LUZP4: variants seen among roughly 807,000 people sequenced by gnomAD.
LUZP4 encodes the protein leucine zipper protein 4.
In LUZP4, 11 loss-of-function variants were observed where a neutral mutation model predicts 8.5. That is an observed-to-expected ratio of 1.30 (90% CI 0.82 to 2.14). LUZP4 has a LOEUF of 2.14. Ranked by LOEUF, LUZP4 falls within the 30% of genes most tolerant of loss-of-function variation. LUZP4 has a pLI of 0.00. For synonymous variants in LUZP4, 104 were observed against 79.4 expected (o/e 1.31, Z -1.65); for missense variants, 276 against 229.7 (o/e 1.20, Z -1.30).
At chrX:115,298,435 T>A (rs192650854) in intron 1 of LUZP4, among the ~76,000 whole-genome samples, 51 of 112,886 alleles carry the variant, frequency 4.5e-4, no homozygotes, top group African/African-American at 1.6e-3. Flanking sequence ...CTCTTAGATT[T>A]GCCCTTTTGA....
At chrX:115,292,311 C>G (rs1437228982) in intron 1 of LUZP4, among the ~76,000 whole-genome samples, 1 of 110,999 alleles carries the variant, frequency 9.0e-6, no homozygotes, top group African/African-American at 3.3e-5. Context: ...GAGCCAACTT[C>G]ATTCTGTTGC....
At position 115,306,893 on chromosome X, in the gene LUZP4, T is replaced by G; in HGVS notation, c.*89T>G. ...AAATATGTATTTGTTGAAACATGTA[T>G]ATTGGGACAAAGACATAAATATTAG... On this transcript the variant is annotated 3_prime_UTR_variant, in exon 4 of 4. Transcript: ENST00000371920. 3.9e-5 allele frequency: 33 copies of G among 855,866 alleles called. No homozygotes were observed. The South Asian group carries it at 7.4e-4, about 19-fold the overall frequency. The allele number at this position is 855,866 out of a possible 1,213,427, so 70.5% of individuals were successfully genotyped here. A position where few individuals can be genotyped will look rare whatever the true frequency, so the allele number is the denominator to read the frequency against.
chrX:115,302,022 G>A lies in LUZP4; in HGVS notation c.122G>A (p.Gly41Glu). Residue 41 changes from glycine (G) to glutamate (E), a missense_variant, in exon 2 of 4, where the codon GGG becomes GAG. Gly to Glu is a moderately conservative substitution (Grantham distance 98, BLOSUM62 -2). Transcript: ENST00000371920. ...ATTATAATCTATAAAGAGTTAGAAG[G>A]GACAAATGCTGAAGAAGAAAAGAAT... is the stretch of plus-strand genomic sequence containing the variant. ...DDIIIYKELE[G>E]TNAEEEKNKR... is the part of the protein sequence containing the mutation. 1 of 1,166,266 alleles carries A rather than the reference G, an allele frequency of 8.6e-7. No individual in the cohort carries two copies. Among genetic ancestry groups the A allele is most frequent in the Non-Finnish European group, 1.2e-6 (1 of 861,534 alleles).
chrX:115,302,236 C>T (rs781948250), intron 2 of LUZP4, 113 bp downstream of exon 2: 2 of 726,686 alleles, frequency 2.8e-6, no homozygotes, highest in Non-Finnish European at 3.8e-6. Flanking sequence ...CATTATGTTG[C>T]TTGTTTTATT....
chrX:115,292,518 C>CGT lies in LUZP4; in HGVS notation c.91+2681_91+2682dup, dbSNP rs781795350. Among the ~76,000 whole-genome samples, 1,019 of 109,143 alleles carry CGT rather than the reference C, an allele frequency of 9.3e-3. 12 individuals carry two copies. The highest frequency in any genetic ancestry group is 0.032 in the African/African-American group (958 of 30,083). The allele number at this position is 109,143 out of a possible 115,157, so 94.8% of individuals were successfully genotyped here. A position where few individuals can be genotyped will look rare whatever the true frequency, so the allele number is the denominator to read the frequency against. On this transcript the variant is annotated intron_variant, in intron 1 of 3. Transcript: ENST00000371920. ...GAGTGTGTTCATTAGTGCTAATCTC[C>CGT]GTGTGTGTGTGTGTATCTTTAGGAA...
At chrX:115,300,488 G>A (rs1052896554) in intron 1 of LUZP4, among the ~76,000 whole-genome samples, 22 of 112,657 alleles carry the variant, frequency 2.0e-4, no homozygotes, top group African/African-American at 7.1e-4. Context: ...TGTATGGCCT[G>A]CAGGCCACAG....
At chrX:115,294,891 A>G (rs1008166610) in intron 1 of LUZP4, among the ~76,000 whole-genome samples, 4 of 111,401 alleles carry the variant, frequency 3.6e-5, no homozygotes, top group Non-Finnish European at 5.7e-5. Context: ...ACCGAGTTGT[A>G]AAAAATCTTG....
chrX:115,303,343 TA>T lies in LUZP4; in HGVS notation c.273del (p.Lys91AsnfsTer16). ...GCAACTCTGAGGAAGGAAATCATGA[TA>T]AAAAACCATCCCAAAAACCTTCTGG... is the stretch of plus-strand genomic sequence containing the variant. Reference protein sequence around the residue: ...RSNSEEGNHDKKPSQKPSGFK... With the variant: ...RSNSEEGNHDXKPSQKPSGFK... On this transcript the variant is annotated frameshift_variant, in exon 3 of 4. Transcript: ENST00000371920. LOFTEE classifies it high-confidence loss of function. 1 of 1,200,829 alleles carries T rather than the reference TA, an allele frequency of 8.3e-7. No homozygotes were observed.
At chrX:115,295,587 G>A (rs1180540206) in intron 1 of LUZP4, among the ~76,000 whole-genome samples, 1 of 111,460 alleles carries the variant, frequency 9.0e-6, no homozygotes, top group Non-Finnish European at 1.9e-5. Flanking sequence ...TGGATGCAAG[G>A]TTATTACTTC....
At chrX:115,293,065 C>T (rs1293741275) in intron 1 of LUZP4, among the ~76,000 whole-genome samples, 1 of 109,906 alleles carries the variant, frequency 9.1e-6, no homozygotes, top group Non-Finnish European at 1.9e-5. Flanking sequence ...GTAAATGAGG[C>T]ACTTGCTTCC....
chrX:115,305,909 C>CA (rs202104040), intron 3 of LUZP4, among the ~76,000 whole-genome samples: 1,412 of 111,582 alleles, frequency 0.013, 19 homozygotes, highest in African/African-American at 0.043. Context: ...AAACATAGAT[C>CA]AAGAAATTGG....
intron 1 of LUZP4, among the ~76,000 whole-genome samples, chrX:115,297,920 TCTC>T (rs782100216): frequency 1.8e-5 from 2 of 108,754 alleles, no homozygotes; most frequent in African/African-American, 6.7e-5. Context: ...GTTAAGCAAT[TCTC>T]CTGCCTCAGC....
Position 115,303,373 on chromosome X carries a change from C to T in LUZP4, c.297C>T (p.Phe99=). ...DKKPSQKPSG[F]KSGQHPLNGQ... Reference sequence around the variant, plus strand: ...AACCATCCCAAAAACCTTCTGGATTCAAGTCTGGACAACACCCTTTAAATG... The same window carrying T: ...AACCATCCCAAAAACCTTCTGGATTTAAGTCTGGACAACACCCTTTAAATG... The change falls in exon 3 of 4, where the codon TTC becomes TTT. Residue 99 remains phenylalanine, a synonymous_variant. Transcript: ENST00000371920. 8.4e-7 allele frequency: 1 copy of T among 1,192,525 alleles called. No individual in the cohort carries two copies.
At chrX:115,304,728 G>C (rs2073412764) in intron 3 of LUZP4, among the ~76,000 whole-genome samples, 1 of 108,783 alleles carries the variant, frequency 9.2e-6, no homozygotes, top group Admixed American at 9.9e-5. Flanking sequence ...GTTGCCCAGG[G>C]TGGGAAAGTA....
intron 1 of LUZP4, among the ~76,000 whole-genome samples, chrX:115,295,114 C>G (rs2073365250): frequency 9.0e-6 from 1 of 111,561 alleles, no homozygotes; most frequent in Admixed American, 9.5e-5. Flanking sequence ...GGGTCTCTGT[C>G]GCTGAGGCTG....
rs186100351 is a variant in LUZP4, at chrX:115,302,580, G to A, written c.223+457G>A. Among the ~76,000 whole-genome samples, 6 of 113,079 alleles carry A rather than the reference G, an allele frequency of 5.3e-5. No individual in the cohort carries two copies. The East Asian group carries it at 1.7e-3, about 32-fold the overall frequency. ...ATACTTAACCTCATTGGTAATTGCA[G>A]TATGCATTTTTTAATATGAATGTGC... On this transcript the variant is annotated intron_variant, in intron 2 of 3. Coordinates refer to ENST00000371920, the MANE Select transcript of LUZP4 (RefSeq NM_016383.5).
intron 1 of LUZP4, among the ~76,000 whole-genome samples, chrX:115,300,095 C>G (rs1258147554): frequency 1.8e-5 from 2 of 111,025 alleles, no homozygotes; most frequent in African/African-American, 6.6e-5. Context: ...ACTCTTCCCT[C>G]TCTTCTCAAG....
chrX:115,294,895 A>C (rs2073364117), intron 1 of LUZP4, among the ~76,000 whole-genome samples: 1 of 111,291 alleles, frequency 9.0e-6, no homozygotes, highest in African/African-American at 3.3e-5. Context: ...AGTTGTAAAA[A>C]ATCTTGAGGT....
intron 1 of LUZP4, among the ~76,000 whole-genome samples, chrX:115,296,163 TG>T (rs1227491273): frequency 8.9e-6 from 1 of 112,114 alleles, no homozygotes; most frequent in Non-Finnish European, 1.9e-5. Context: ...TATAAAATAG[TG>T]GTTTCAACCC....
Sources: allele counts gnomAD v4.1 joint callset (sites outside exome capture counted in the v4.1 genomes callset), GRCh38; gene constraint gnomAD v4.1.1; transcripts MANE v1.5; gene names NCBI Gene and HGNC (gene_info 2026-07-23, HGNC 2026-07-21).